GRM8: variants seen among roughly 807,000 people sequenced by gnomAD.
The protein encoded by GRM8 is glutamate metabotropic receptor 8.
A neutral mutation model predicts 87.2 loss-of-function variants in GRM8; 47 were observed. That is an observed-to-expected ratio of 0.54 (90% CI 0.43 to 0.69). The LOEUF (loss-of-function observed/expected upper bound fraction) is 0.69, where lower values mean the gene tolerates loss of function less well. Ranked by LOEUF, GRM8 falls within the 30% of genes least tolerant of loss-of-function variation. GRM8 has a pLI of 0.00. For synonymous variants in GRM8, 396 were observed against 404.5 expected, an observed-to-expected ratio of 0.98 and a Z score of 0.25; for missense variants, 1,019 against 1,139.2, an observed-to-expected ratio of 0.89 and a Z score of 1.52.
At chr7:126,917,959 C>A (rs1804101060) in intron 3 of GRM8, among the ~76,000 whole-genome samples, 2 of 152,156 alleles carry the variant, frequency 1.3e-5, no homozygotes, top group African/African-American at 4.8e-5. Flanking sequence ...TAACTGAGCT[C>A]TTGCTACATG....
intron 9 of GRM8, among the ~76,000 whole-genome samples, chr7:126,471,939 T>A (rs1433120825): frequency 6.6e-6 from 1 of 152,186 alleles, no homozygotes; most frequent in Non-Finnish European, 1.5e-5. Flanking sequence ...AGGTATTTTA[T>A]TCTCTTTGAA....
At chr7:126,951,126 C>G (rs755094076) in intron 3 of GRM8, among the ~76,000 whole-genome samples, 3 of 151,446 alleles carry the variant, frequency 2.0e-5, no homozygotes, top group Non-Finnish European at 4.4e-5. Flanking sequence ...CCAGGATGTA[C>G]TGTTAAGGTA....
intron 3 of GRM8, among the ~76,000 whole-genome samples, chr7:127,073,098 G>A (rs963588856): frequency 4.6e-5 from 7 of 152,126 alleles, no homozygotes; most frequent in African/African-American, 1.2e-4. Flanking sequence ...TAGGAAGAAC[G>A]CCTTCCTCTG....
chr7:126,594,566 C>A (rs1796984089), intron 8 of GRM8, among the ~76,000 whole-genome samples: 1 of 151,868 alleles, frequency 6.6e-6, no homozygotes, highest in Non-Finnish European at 1.5e-5. Flanking sequence ...TTAACAAGGG[C>A]TTGGGTCATT....
At chr7:127,153,181 T>C (rs1175765549) in intron 2 of GRM8, among the ~76,000 whole-genome samples, 1 of 152,094 alleles carries the variant, frequency 6.6e-6, no homozygotes, top group Non-Finnish European at 1.5e-5. Context: ...AGTGTGAAGC[T>C]CATTTTTATT....
intron 3 of GRM8, among the ~76,000 whole-genome samples, chr7:126,921,175 A>G (rs1456127600): frequency 2.6e-5 from 4 of 152,172 alleles, no homozygotes; most frequent in Non-Finnish European, 5.9e-5. Context: ...CTCAGAGACA[A>G]GAAGTGTGTC....
chr7:127,174,697 G>T (rs1435984875), intron 2 of GRM8, among the ~76,000 whole-genome samples: 1 of 152,132 alleles, frequency 6.6e-6, no homozygotes, highest in African/African-American at 2.4e-5. Context: ...AGCACCAAAA[G>T]TTGAATTTGA....
intron 3 of GRM8, 31 bp downstream of exon 3, chr7:127,106,465 A>G: frequency 1.3e-6 from 2 of 1,566,794 alleles, no homozygotes; most frequent in Non-Finnish European, 1.8e-6. Flanking sequence ...TGTCACCTCC[A>G]AATACAATCA....
chr7:126,953,925 C>A (rs772256156), intron 3 of GRM8, among the ~76,000 whole-genome samples: 5 of 152,016 alleles, frequency 3.3e-5, no homozygotes, highest in Admixed American at 6.6e-5. Context: ...CAAATTGAAC[C>A]CCCTGGCCAA....
chr7:126,543,592 G>A (rs182495734), intron 8 of GRM8, among the ~76,000 whole-genome samples: 1 of 152,274 alleles, frequency 6.6e-6, no homozygotes, highest in Admixed American at 6.5e-5. Flanking sequence ...GAAAAGGGGC[G>A]TACAAGGGAA....
At chr7:127,225,926 T>A (rs946450742) in intron 2 of GRM8, among the ~76,000 whole-genome samples, 3 of 152,066 alleles carry the variant, frequency 2.0e-5, no homozygotes, top group Admixed American at 6.5e-5. Flanking sequence ...TTCATTACAC[T>A]TGTTGATAAT....
chr7:127,075,739 G>A (rs1342032624), intron 3 of GRM8, among the ~76,000 whole-genome samples: 5 of 152,054 alleles, frequency 3.3e-5, no homozygotes, highest in Admixed American at 2.6e-4. Context: ...CCATTATTGG[G>A]GGAGGGAGAG....
intron 3 of GRM8, among the ~76,000 whole-genome samples, chr7:126,945,240 T>C (rs2131564211): frequency 6.6e-6 from 1 of 152,332 alleles, no homozygotes. Flanking sequence ...AATAAATACA[T>C]GGTGGTATAT....
intron 7 of GRM8, among the ~76,000 whole-genome samples, chr7:126,748,926 T>C (rs1361988591): frequency 6.6e-6 from 1 of 152,028 alleles, no homozygotes; most frequent in Non-Finnish European, 1.5e-5. Context: ...ACAATTAATA[T>C]TGATATTTTT....
chr7:127,098,660 A>G (rs1013406024), intron 3 of GRM8, among the ~76,000 whole-genome samples: 2 of 152,230 alleles, frequency 1.3e-5, no homozygotes, highest in African/African-American at 4.8e-5. Flanking sequence ...TTCTTACATT[A>G]ACATTTCAAA....
At chr7:127,142,726 C>A (rs920417176) in intron 2 of GRM8, among the ~76,000 whole-genome samples, 3 of 151,752 alleles carry the variant, frequency 2.0e-5, no homozygotes, top group African/African-American at 7.3e-5. Flanking sequence ...GATGGATGGA[C>A]GGACAGATGG....
intron 7 of GRM8, among the ~76,000 whole-genome samples, chr7:126,634,178 A>C (rs1050564684): frequency 2.0e-5 from 3 of 152,166 alleles, no homozygotes; most frequent in Admixed American, 6.6e-5. Flanking sequence ...CACTGAATTA[A>C]AAAGTGAAGG....
At chr7:126,945,776 C>G (rs977654582) in intron 3 of GRM8, among the ~76,000 whole-genome samples, 1 of 152,052 alleles carries the variant, frequency 6.6e-6, no homozygotes, top group African/African-American at 2.4e-5. Flanking sequence ...ATAAAGTCTA[C>G]CTAGAGCTAT....
chr7:126,713,436 G>A (rs994927059), intron 7 of GRM8, among the ~76,000 whole-genome samples: 4 of 152,074 alleles, frequency 2.6e-5, no homozygotes, highest in African/African-American at 9.7e-5. Context: ...TTACACACCA[G>A]GCCTGTTGGC....
Sources: allele counts gnomAD v4.1 joint callset (sites outside exome capture counted in the v4.1 genomes callset), GRCh38; gene constraint gnomAD v4.1.1; transcripts MANE v1.5; gene names NCBI Gene and HGNC (gene_info 2026-07-23, HGNC 2026-07-21).